Variants in PRKD1 observed in about 807,000 individuals in gnomAD.
PRKD1 encodes the protein serine/threonine-protein kinase D1.
A neutral mutation model predicts 95.9 loss-of-function variants in PRKD1; 63 were observed. The ratio of observed to expected loss-of-function variants is 0.66; its 90% CI spans 0.54 to 0.81. The LOEUF is 0.81. PRKD1 is among the 30% of genes least tolerant of loss of function. The pLI, the probability that PRKD1 is intolerant of heterozygous loss-of-function variation, is 0.00. For missense variants in PRKD1, 1,048 were observed against 1,165.3 expected (o/e 0.90, Z 1.47); for synonymous variants, 425 against 423.1 (o/e 1.00, Z -0.05).
chr14:29,778,335 A>T (rs1888870565), intron 1 of PRKD1, among the ~76,000 whole-genome samples: 7 of 152,182 alleles, frequency 4.6e-5, no homozygotes, highest in Non-Finnish European at 1.5e-5. Flanking sequence ...TCAAAAAATC[A>T]ATGAATCCAG....
At chr14:29,633,039 G>T in intron 8 of PRKD1, 93 bp from the exon 9 acceptor site, 2 of 1,172,272 alleles carry the variant, frequency 1.7e-6, no homozygotes, top group South Asian at 1.2e-5. Flanking sequence ...AGGGACATGC[G>T]ATTTGAGGGT....
At chr14:29,763,548 GT>G (rs1308974417) in intron 1 of PRKD1, among the ~76,000 whole-genome samples, 1 of 151,974 alleles carries the variant, frequency 6.6e-6, no homozygotes, top group Non-Finnish European at 1.5e-5. Flanking sequence ...GAGAGGCCTT[GT>G]GATTGTTGTT....
intron 1 of PRKD1, among the ~76,000 whole-genome samples, chr14:29,901,682 A>G (rs1357925406): frequency 6.6e-6 from 1 of 152,224 alleles, no homozygotes; most frequent in Non-Finnish European, 1.5e-5. Context: ...AATCAATAGT[A>G]CAACAGCAAC....
In PRKD1 at chr14:29,927,191, G is replaced by C. The variant is rs1895333610; in HGVS notation, c.264+58C>G. 5.7e-5 allele frequency: 81 copies of C among 1,416,714 alleles called. 1 individual carries two copies. In the South Asian group the frequency reaches 8.3e-4, roughly 15 times the overall value. 87.8% of individuals were successfully genotyped at this position (1,416,714 alleles called of 1,614,324 possible). A position where few individuals can be genotyped will look rare whatever the true frequency, so the allele number is the denominator to read the frequency against. On this transcript the variant is annotated intron_variant, in intron 1 of 17. Transcript: ENST00000331968. ...AAAGTTGGCGCGGAGAGGGCCAGCC[G>C]GGCAGCGCCCCCTGCGCCGCGGGGA...
rs192182849 is a variant in PRKD1 at position 29,861,228 on chromosome 14, G to A, written c.264+66021C>T. ...AAAAAAAATGGAATGGAGAAAAGAGGGCTTTCTGTTTGATTGGTGCCACTT... is the reference window on the plus strand; with the variant it reads ...AAAAAAAATGGAATGGAGAAAAGAGAGCTTTCTGTTTGATTGGTGCCACTT... On this transcript the variant is annotated intron_variant, in intron 1 of 17. Coordinates refer to ENST00000331968, the MANE Select transcript of PRKD1 (RefSeq NM_002742.3). Among the ~76,000 whole-genome samples the A allele has an allele frequency of 1.6e-3, 244 of 152,064 alleles. 2 individuals carry two copies. Among genetic ancestry groups the A allele is most frequent in the African/African-American group, 5.6e-3 (233 of 41,486 alleles).
intron 1 of PRKD1, among the ~76,000 whole-genome samples, chr14:29,767,806 TTTAAGTGATTGA>T (rs1888321497): frequency 1.3e-5 from 2 of 152,218 alleles, no homozygotes; most frequent in Non-Finnish European, 2.9e-5. Flanking sequence ...TGATTTCACT[TTTAAGTGATTGA>T]TTTCAATCAC....
rs1015815066 is a variant in PRKD1, at chr14:29,593,970, T to C, written c.2434+3521A>G. On this transcript the variant is annotated intron_variant, in intron 16 of 17. Coordinates refer to ENST00000331968, the MANE Select transcript of PRKD1 (RefSeq NM_002742.3). Reference sequence around the variant, plus strand: ...AGCACCCTTTTGGTATACAACAATGTATAGTGTAAAGAATGGAGACAAATT... The same window carrying C: ...AGCACCCTTTTGGTATACAACAATGCATAGTGTAAAGAATGGAGACAAATT... 7.9e-5 allele frequency: 25 copies of C among 316,512 alleles called. No homozygotes were observed. The Middle Eastern group carries it at 2.4e-3, about 31-fold the overall frequency. 19.6% of individuals were successfully genotyped at this position (316,512 alleles called of 1,614,324 possible).
intron 6 of PRKD1, 75 bp downstream of exon 6, chr14:29,638,414 A>C: frequency 6.5e-7 from 1 of 1,543,554 alleles, no homozygotes; most frequent in Non-Finnish European, 8.9e-7. Context: ...AAAACCAAAA[A>C]CCCTGACTAA....
In PRKD1 at chr14:29,676,177, G is replaced by GTTTTTTTTTTTTTTTTTTTTTTTT. The variant is rs147308040; in HGVS notation, c.404-9970_404-9969insAAAAAAAAAAAAAAAAAAAAAAAA. On this transcript the variant is annotated intron_variant, in intron 2 of 17. Transcript: ENST00000331968. ...GCTGTAGGCATGCATAGTTCATTAC[G>GTTTTTTTTTTTTTTTTTTTTTTTT]TTTTTGTTTTTTTTTTTTTTTTTTT... Among the ~76,000 whole-genome samples, 37 of 104,732 alleles carry GTTTTTTTTTTTTTTTTTTTTTTTT rather than the reference G, an allele frequency of 3.5e-4. 2 individuals are homozygous for GTTTTTTTTTTTTTTTTTTTTTTTT. The highest frequency in any genetic ancestry group is 6.3e-4 in the African/African-American group (15 of 23,874). The allele number at this position is 104,732 out of a possible 152,430, so 68.7% of individuals were successfully genotyped here. A position where few individuals can be genotyped will look rare whatever the true frequency, so the allele number is the denominator to read the frequency against.
chr14:29,700,711 A>T (rs920135155), intron 2 of PRKD1, among the ~76,000 whole-genome samples: 2 of 152,164 alleles, frequency 1.3e-5, no homozygotes, highest in African/African-American at 4.8e-5. Flanking sequence ...TGAGTAAAGC[A>T]GTTTACCCTC....
At chr14:29,630,156 TC>T (rs1403231423) in intron 10 of PRKD1, among the ~76,000 whole-genome samples, 2 of 151,956 alleles carry the variant, frequency 1.3e-5, no homozygotes, top group Non-Finnish European at 2.9e-5. Context: ...CTCCTCCTTC[TC>T]CCCCTCCTCC....
intron 1 of PRKD1, among the ~76,000 whole-genome samples, chr14:29,889,366 T>C (rs1294984482): frequency 6.6e-6 from 1 of 152,084 alleles, no homozygotes; most frequent in Non-Finnish European, 1.5e-5. Flanking sequence ...GTTCATCTCA[T>C]TGGGACTGGT....
chr14:29,854,960 G>C (rs946023211), intron 1 of PRKD1, among the ~76,000 whole-genome samples: 1 of 152,200 alleles, frequency 6.6e-6, no homozygotes, highest in African/African-American at 2.4e-5. Flanking sequence ...AAAGAACTGG[G>C]GTTTGGGAAC....
At position 29,630,745 on chromosome 14, in the gene PRKD1, G is replaced by A; in HGVS notation, c.1669C>T (p.His557Tyr). 2.5e-6 allele frequency: 4 copies of A among 1,614,026 alleles called. No homozygotes were observed. Among genetic ancestry groups the A allele is most frequent in the Non-Finnish European group, 3.4e-6 (4 of 1,179,958 alleles). ...GSSVGTGTNL[H>Y]RDISVSISVS... Reference sequence around the variant, plus strand: ...GTTAGAAAACTGGCAGACTCACTGTGCAAGTTGGTTCCTGTACCCACGGAG... The same window carrying A: ...GTTAGAAAACTGGCAGACTCACTGTACAAGTTGGTTCCTGTACCCACGGAG... The change falls in exon 10 of 18, where the codon CAC (histidine) becomes TAC (tyrosine). Residue 557 changes from histidine to tyrosine, a missense_variant. By Grantham distance (83) the His-to-Tyr change is moderately conservative (BLOSUM62 2). Transcript: ENST00000331968.
chr14:29,669,843 G>A (rs964936031), intron 2 of PRKD1, among the ~76,000 whole-genome samples: 14 of 152,068 alleles, frequency 9.2e-5, no homozygotes, highest in African/African-American at 2.9e-4. Flanking sequence ...ACTCCAGCCT[G>A]GACAACAGAG....
At chr14:29,623,838 C>CAA (rs45564231) in intron 13 of PRKD1, among the ~76,000 whole-genome samples, 2 of 152,188 alleles carry the variant, frequency 1.3e-5, no homozygotes, top group East Asian at 3.9e-4. Flanking sequence ...TTTATGAAGG[C>CAA]AAGGTCATTT....
At chr14:29,912,909 G>T (rs879454167) in intron 1 of PRKD1, among the ~76,000 whole-genome samples, 11 of 152,060 alleles carry the variant, frequency 7.2e-5, no homozygotes, top group Admixed American at 2.0e-4. Flanking sequence ...AATTAATAAA[G>T]GTATTATGTA....
chr14:29,893,990 G>A (rs1386898356), intron 1 of PRKD1, among the ~76,000 whole-genome samples: 1 of 152,216 alleles, frequency 6.6e-6, no homozygotes, highest in Non-Finnish European at 1.5e-5. Flanking sequence ...TATGAGAGAA[G>A]AGAATCACTA....
At chr14:29,804,145 G>A (rs1238037700) in intron 1 of PRKD1, among the ~76,000 whole-genome samples, 1 of 151,878 alleles carries the variant, frequency 6.6e-6, no homozygotes, top group Non-Finnish European at 1.5e-5. Flanking sequence ...GGGAGGCTGA[G>A]GCAGGAGAAT....
Sources: allele counts gnomAD v4.1 joint callset (sites outside exome capture counted in the v4.1 genomes callset), GRCh38; gene constraint gnomAD v4.1.1; transcripts MANE v1.5; gene names NCBI Gene and HGNC (gene_info 2026-07-23, HGNC 2026-07-21).